TMEM132C: variants seen among roughly 807,000 people sequenced by gnomAD.
TMEM132C encodes the protein transmembrane protein 132C, also known as protein phosphatase 1, regulatory subunit 152.
In TMEM132C, 29 loss-of-function variants were observed where a neutral mutation model predicts 61.4. That is an observed-to-expected ratio of 0.47 (90% CI 0.35 to 0.64). The LOEUF is 0.64. TMEM132C is among the 30% of genes least tolerant of loss of function. The probability of loss-of-function intolerance (pLI) is 0.00; values close to 1 mark genes in which losing one functional copy is unlikely to be tolerated. For synonymous variants in TMEM132C, 656 were observed against 633.1 expected (o/e 1.04, Z -0.54); for missense variants, 1,408 against 1,476.9 (o/e 0.95, Z 0.76).
chr12:128,361,212 A>G (rs1478413402), intron 1 of TMEM132C, among the ~76,000 whole-genome samples: 1 of 152,182 alleles, frequency 6.6e-6, no homozygotes, highest in East Asian at 1.9e-4. Context: ...TAGGTGGCCC[A>G]AGAATTTCTA....
At chr12:128,420,145 A>G (rs1453118333) in intron 2 of TMEM132C, among the ~76,000 whole-genome samples, 2 of 152,154 alleles carry the variant, frequency 1.3e-5, no homozygotes, top group African/African-American at 4.8e-5. Context: ...GCAGTGAGCC[A>G]AGATCATGCC....
intron 1 of TMEM132C, among the ~76,000 whole-genome samples, chr12:128,350,572 A>G (rs1873307624): frequency 6.6e-6 from 1 of 151,972 alleles, no homozygotes. Context: ...AGCAACGGTG[A>G]GATGGCCATG....
chr12:128,483,860 T>C (rs79262818), intron 2 of TMEM132C, among the ~76,000 whole-genome samples: 8,606 of 152,228 alleles, frequency 0.057, 774 homozygotes, highest in African/African-American at 0.19. Flanking sequence ...TAATCATAAA[T>C]AGATTTAAAC....
At chr12:128,386,327 A>G (rs1359689940) in intron 1 of TMEM132C, among the ~76,000 whole-genome samples, 1 of 152,132 alleles carries the variant, frequency 6.6e-6, no homozygotes, top group African/African-American at 2.4e-5. Flanking sequence ...TTCTAGACTG[A>G]TGGAAGGGCC....
intron 1 of TMEM132C, among the ~76,000 whole-genome samples, chr12:128,386,714 T>C (rs1220296644): frequency 6.6e-6 from 1 of 152,204 alleles, no homozygotes; most frequent in Non-Finnish European, 1.5e-5. Context: ...CCCCATCTTT[T>C]AGATGAGGAC....
At chr12:128,456,281 T>C (rs796771867) in intron 2 of TMEM132C, among the ~76,000 whole-genome samples, 29 of 151,992 alleles carry the variant, frequency 1.9e-4, no homozygotes, top group African/African-American at 5.8e-4. Flanking sequence ...GCGTGGACTT[T>C]TCTTGTTTCA....
At chr12:128,481,540 C>T (rs563152174) in intron 2 of TMEM132C, among the ~76,000 whole-genome samples, 2 of 152,348 alleles carry the variant, frequency 1.3e-5, no homozygotes, top group East Asian at 3.9e-4. Flanking sequence ...CTTGTTACCC[C>T]CTGCCGTGCG....
At chr12:128,353,660 A>G (rs1345967927) in intron 1 of TMEM132C, among the ~76,000 whole-genome samples, 1 of 152,128 alleles carries the variant, frequency 6.6e-6, no homozygotes, top group Non-Finnish European at 1.5e-5. Flanking sequence ...GTTTTCCCAC[A>G]TTGGCAGAGA....
intron 1 of TMEM132C, among the ~76,000 whole-genome samples, chr12:128,362,002 T>G (rs758056343): frequency 5.9e-5 from 9 of 151,878 alleles, no homozygotes; most frequent in Non-Finnish European, 1.0e-4. Flanking sequence ...AACAAGCAGG[T>G]TGGGGGACTC....
intron 2 of TMEM132C, among the ~76,000 whole-genome samples, chr12:128,536,227 T>A (rs1179816339): frequency 6.6e-6 from 1 of 152,246 alleles, no homozygotes; most frequent in Non-Finnish European, 1.5e-5. Context: ...AAGGATGAGT[T>A]CATGTCCTTT....
At chr12:128,401,618 C>A (rs1196169423) in intron 1 of TMEM132C, among the ~76,000 whole-genome samples, 5 of 152,166 alleles carry the variant, frequency 3.3e-5, no homozygotes, top group African/African-American at 1.2e-4. Flanking sequence ...CTGATCTCCA[C>A]CCCAGTAGTT....
intron 2 of TMEM132C, among the ~76,000 whole-genome samples, chr12:128,424,705 G>C (rs1869119385): frequency 6.6e-6 from 1 of 152,192 alleles, no homozygotes; most frequent in African/African-American, 2.4e-5. Flanking sequence ...TTGTATACTT[G>C]ACAAAGTGAT....
At chr12:128,514,720 C>T (rs1345754624) in intron 2 of TMEM132C, among the ~76,000 whole-genome samples, 4 of 152,138 alleles carry the variant, frequency 2.6e-5, no homozygotes, top group African/African-American at 7.2e-5. Context: ...CTTGCAAAGA[C>T]GAGGCATTCA....
chr12:128,624,697 T>G (rs993896774), intron 4 of TMEM132C, among the ~76,000 whole-genome samples: 1 of 152,212 alleles, frequency 6.6e-6, no homozygotes, highest in African/African-American at 2.4e-5. Flanking sequence ...CAGGTTACAC[T>G]TCTACTTATA....
intron 4 of TMEM132C, among the ~76,000 whole-genome samples, chr12:128,652,526 C>G (rs956358322): frequency 1.3e-5 from 2 of 152,202 alleles, no homozygotes; most frequent in African/African-American, 4.8e-5. Context: ...GTTTACAGCT[C>G]GGAACACAGA....
intron 3 of TMEM132C, among the ~76,000 whole-genome samples, chr12:128,559,318 T>C (rs1874437450): frequency 6.6e-6 from 1 of 152,268 alleles, no homozygotes; most frequent in East Asian, 1.9e-4. Context: ...TTATGGCATA[T>C]AGTGTAAATT....
At chr12:128,400,126 C>T (rs950998111) in intron 1 of TMEM132C, 1 of 152,208 alleles carries the variant, frequency 6.6e-6, no homozygotes, top group Non-Finnish European at 1.5e-5. Context: ...TGAGAGAAAA[C>T]CCTCGCGCAC....
intron 3 of TMEM132C, among the ~76,000 whole-genome samples, chr12:128,588,287 T>G (rs147734870): frequency 7.9e-5 from 12 of 152,082 alleles, no homozygotes; most frequent in African/African-American, 2.9e-4. Context: ...TTTTTAAAAG[T>G]TAGGTGTGGT....
At chr12:128,663,048 C>T (rs970288915) in intron 4 of TMEM132C, among the ~76,000 whole-genome samples, 3 of 152,028 alleles carry the variant, frequency 2.0e-5, no homozygotes, top group African/African-American at 7.2e-5. Flanking sequence ...GTGGCCTTTC[C>T]ATGGCTCCAG....
Sources: gnomAD v4.1 joint callset for allele counts (sites outside exome capture counted in the v4.1 genomes callset) on GRCh38, gnomAD v4.1.1 for gene constraint, MANE v1.5 for transcripts, NCBI Gene and HGNC (gene_info 2026-07-23, HGNC 2026-07-21) for gene names.